The following FBN3 variants were observed in gnomAD, a reference collection of about 807,000 sequenced individuals.
The protein encoded by FBN3 is fibrillin 3.
A neutral mutation model predicts 330.1 loss-of-function variants in FBN3; 234 were observed. The ratio of observed to expected loss-of-function variants is 0.71; its 90% CI spans 0.64 to 0.79. The LOEUF is 0.79. FBN3 is among the 30% of genes least tolerant of loss of function. The pLI is 0.00. For missense variants in FBN3, 3,606 were observed against 3,886.9 expected, an observed-to-expected ratio of 0.93 and a Z score of 1.92; for synonymous variants, 1,458 against 1,517.3, an observed-to-expected ratio of 0.96 and a Z score of 0.91.
At chr19:8,137,999 A>G (rs2083326276) in intron 10 of FBN3, 142 bp downstream of exon 10, 2 of 930,678 alleles carry the variant, frequency 2.1e-6, no homozygotes, top group Non-Finnish European at 3.1e-6. Flanking sequence ...TGTCATCCCT[A>G]CTAGCCAGGC....
At chr19:8,070,836 A>C (rs747963762) in intron 63 of FBN3, among the ~76,000 whole-genome samples, 39 of 152,124 alleles carry the variant, frequency 2.6e-4, no homozygotes, top group Non-Finnish European at 5.6e-4. Flanking sequence ...CAGCCTGACC[A>C]ACATGAAGAA....
intron 7 of FBN3, 38 bp from the exon 8 acceptor site, chr19:8,141,880 A>G (rs760009922): frequency 6.2e-7 from 1 of 1,612,522 alleles, no homozygotes; most frequent in Non-Finnish European, 8.5e-7. Flanking sequence ...TGAGAGGCCC[A>G]TCGGAGGGAA....
rs1017057013 is a variant in FBN3 at position 8,138,839 on chromosome 19, G to A, written c.866-275C>T. Among the ~76,000 whole-genome samples the A allele has an allele frequency of 3.9e-5, 6 of 152,216 alleles. No individual in the cohort carries two copies. In the South Asian group the frequency reaches 8.3e-4, roughly 21 times the overall value. On this transcript the variant is annotated intron_variant, in intron 8 of 63. Coordinates refer to ENST00000600128, the MANE Select transcript of FBN3 (RefSeq NM_032447.5). Reference sequence around the variant, plus strand: ...GGGCGGGAGGATCTCTTAAGGTCAGGAGTGCAAGACCAGCCTGACCAACAT... The same window carrying A: ...GGGCGGGAGGATCTCTTAAGGTCAGAAGTGCAAGACCAGCCTGACCAACAT...
intron 41 of FBN3, 83 bp from the exon 42 acceptor site, chr19:8,097,497 C>A (rs1310457783): frequency 1.4e-6 from 2 of 1,457,672 alleles, no homozygotes; most frequent in Non-Finnish European, 1.8e-6. Flanking sequence ...ACTAGCCCTG[C>A]AATCTGGTTG....
intron 42 of FBN3, 22 bp from the exon 43 acceptor site, chr19:8,097,028 G>A (rs199920875): frequency 6.2e-7 from 1 of 1,608,018 alleles, no homozygotes; most frequent in Non-Finnish European, 8.5e-7. Flanking sequence ...CAGCAAATGA[G>A]GTGGGGGTGA....
In FBN3 at chr19:8,121,330, T is replaced by C; in HGVS notation, c.3139A>G (p.Thr1047Ala). The C allele has an allele frequency of 6.2e-7, 1 of 1,613,482 alleles. No individual in the cohort carries two copies. The highest frequency in any genetic ancestry group is 8.5e-7 in the Non-Finnish European group (1 of 1,179,678). Residue 1047 changes from threonine (T) to alanine (A), a missense_variant, in exon 25 of 64, where the codon ACG (threonine) becomes GCG (alanine). Thr to Ala is a moderately conservative substitution (Grantham distance 58). Transcript: ENST00000600128. This position sits in a 1 kb window ranked among gnomAD's most constrained non-coding sequence, Gnocchi z 4.5. ...DLCGQGTCVN[T>A]PGSFECECFP... is the part of the protein sequence containing the mutation. The stretch of plus-strand genomic sequence containing the variant: ...CACTCGCACTCAAAGCTGCCCGGCG[T>C]GTTGACACAGGTGCCCTGGCCGCAG...
intron 63 of FBN3, among the ~76,000 whole-genome samples, chr19:8,068,562 T>C (rs2081441470): frequency 6.6e-6 from 1 of 151,228 alleles, no homozygotes. Context: ...TGGGCAGGTG[T>C]GGTGGTACAT....
chr19:8,111,580 G>C, intron 32 of FBN3, 68 bp downstream of exon 32: 1 of 1,350,396 alleles, frequency 7.4e-7, no homozygotes, highest in Non-Finnish European at 1.0e-6. Context: ...GACCATGGCA[G>C]CCACCGTGAA....
Position 8,087,192 on chromosome 19 carries a change from A to T in FBN3, c.6639T>A (p.Asp2213Glu). 6.2e-7 allele frequency: 1 copy of T among 1,601,842 alleles called. No homozygotes were observed. Among genetic ancestry groups the T allele is most frequent in the Middle Eastern group, 1.8e-4 (1 of 5,684 alleles). The change falls in exon 54 of 64, where the codon GAT (aspartate) becomes GAA (glutamate). Residue 2213 changes from aspartate (D) to glutamate (E), a missense_variant. Transcript: ENST00000600128. ...CCCGGGCGTGGCAGTCCTGCTGACC[A>T]TCTGCACACTCGTCCACATCTTCGG... is the stretch of plus-strand genomic sequence containing the variant. ...AMCRDVDECA[D>E]GQQDCHARGM...
chr19:8,136,340 G>C (rs373336733), intron 11 of FBN3, 31 bp from the exon 12 acceptor site: 3 of 1,605,250 alleles, frequency 1.9e-6, no homozygotes, highest in Non-Finnish European at 2.6e-6. Context: ...GCCCTAGCAC[G>C]AGCAGGGCAG....
intron 29 of FBN3, among the ~76,000 whole-genome samples, chr19:8,116,135 C>G (rs1441103449): frequency 1.3e-5 from 2 of 152,096 alleles, no homozygotes; most frequent in African/African-American, 4.8e-5. Context: ...GTTTCTTGGC[C>G]GGGAGTTACA....
chr19:8,121,544 A>G lies in FBN3; in HGVS notation c.3083-158T>C, dbSNP rs1599391055. 6.6e-6 allele frequency among the ~76,000 whole-genome samples: 1 copy of G among 152,254 alleles called. No homozygotes were observed. The highest frequency in any genetic ancestry group is 2.4e-5 in the African/African-American group (1 of 41,560). ...CCAAGAGGGGAGGCATGATGCAGGC[A>G]TGATGGGGTGCCGTATGGGGTCATC... On this transcript the variant is annotated intron_variant, in intron 24 of 63. Coordinates refer to ENST00000600128, the MANE Select transcript of FBN3 (RefSeq NM_032447.5). This position sits in a 1 kb window ranked among gnomAD's most constrained non-coding sequence, Gnocchi z 4.5.
In FBN3 at chr19:8,083,384, T is replaced by C; in HGVS notation, c.7088-12A>G. On this transcript the variant is annotated splice_polypyrimidine_tract_variant and intron_variant, in intron 56 of 63. Coordinates refer to ENST00000600128, the MANE Select transcript of FBN3 (RefSeq NM_032447.5). ...GCATTCATCTACATCTGGGAAAAAGTAGGGTGCAAATGGGGCTGGCTGGCT... is the reference window on the plus strand; with the variant it reads ...GCATTCATCTACATCTGGGAAAAAGCAGGGTGCAAATGGGGCTGGCTGGCT... 6.2e-7 allele frequency: 1 copy of C among 1,613,706 alleles called. No individual in the cohort carries two copies. The highest frequency in any genetic ancestry group is 8.5e-7 in the Non-Finnish European group (1 of 1,179,964).
At chr19:8,108,050 T>C (rs1046100648) in intron 37 of FBN3, 120 bp downstream of exon 37, 1 of 726,988 alleles carries the variant, frequency 1.4e-6, no homozygotes, top group African/African-American at 1.8e-5. Context: ...AGCCTCCAGG[T>C]GGAAAGATCT....
Position 8,131,116 on chromosome 19 carries a change from G to T in FBN3, c.2044+119C>A. On this transcript the variant is annotated intron_variant, in intron 16 of 63. Transcript: ENST00000600128. This position sits in a 1 kb window ranked among gnomAD's most constrained non-coding sequence, Gnocchi z 4.5. Reference sequence around the variant, plus strand: ...TCAGCTTCTGTTGTTGAAGCCGTCTGGTCTGGGGCACTTTGTTACGGGAAC... The same window carrying T: ...TCAGCTTCTGTTGTTGAAGCCGTCTTGTCTGGGGCACTTTGTTACGGGAAC... 2 of 869,530 alleles carry T rather than the reference G, an allele frequency of 2.3e-6. No homozygotes were observed. The highest frequency in any genetic ancestry group is 2.6e-5 in the East Asian group (1 of 37,800). The allele number at this position is 869,530 out of a possible 1,614,324, so 53.9% of individuals were successfully genotyped here. A position where few individuals can be genotyped will look rare whatever the true frequency, so the allele number is the denominator to read the frequency against.
intron 5 of FBN3, among the ~76,000 whole-genome samples, chr19:8,145,407 A>G (rs1044683644): frequency 1.4e-5 from 2 of 145,772 alleles, no homozygotes; most frequent in African/African-American, 5.1e-5. Flanking sequence ...AGGGCCGGGC[A>G]CGGTAGCTCA....
At chr19:8,070,948 A>G (rs1278153721) in intron 63 of FBN3, among the ~76,000 whole-genome samples, 2 of 151,542 alleles carry the variant, frequency 1.3e-5, no homozygotes, top group Non-Finnish European at 2.9e-5. Context: ...CCTGAACCCA[A>G]GAGGCAGAGA....
chr19:8,126,381 T>C lies in FBN3; in HGVS notation c.2555-34A>G, dbSNP rs1170042132. The C allele has an allele frequency of 3.8e-6, 6 of 1,582,868 alleles. No individual in the cohort carries two copies. The Admixed American group carries it at 1.1e-4, about 30-fold the overall frequency. On this transcript the variant is annotated intron_variant, in intron 20 of 63. Coordinates refer to ENST00000600128, the MANE Select transcript of FBN3 (RefSeq NM_032447.5). ...GGGAGAACAAGAGTGAAGAGAGGAG[T>C]CATTTTCTCATGCCAGCCCAAGGGG...
At chr19:8,135,936 G>GGGGGGGGGGGGGGGGGGGGCCCCCCCCCC in intron 13 of FBN3, 25 bp downstream of exon 13, 9 of 668,764 alleles carry the variant, frequency 1.3e-5, no homozygotes, top group East Asian at 3.9e-5. Context: ...GGAAGCCCCT[G>GGGGGGGGGGGGGGGGGGGGCCCCCCCCCC]CCCACCCGCC....
Sources: gnomAD v4.1 joint callset for allele counts (sites outside exome capture counted in the v4.1 genomes callset) on GRCh38, gnomAD v4.1.1 for gene constraint, Gnocchi (gnomAD v3.1) non-coding constraint, MANE v1.5 for transcripts, NCBI Gene and HGNC (gene_info 2026-07-23, HGNC 2026-07-21) for gene names.